SMOC2: variants seen among roughly 807,000 people sequenced by gnomAD.
SMOC2 encodes the protein SPARC related modular calcium binding 2.
Under a neutral mutation model 61.4 loss-of-function variants are expected in SMOC2, and 39 were observed. That is an observed-to-expected ratio of 0.64 (90% CI 0.49 to 0.83). SMOC2 has a LOEUF of 0.83. Among genes scored for constraint, SMOC2 ranks in the 40% least tolerant of loss-of-function variants. The probability of loss-of-function intolerance (pLI) is 0.00; values close to 1 mark genes in which losing one functional copy is unlikely to be tolerated. For synonymous variants in SMOC2, 247 were observed against 239.9 expected, an observed-to-expected ratio of 1.03 and a Z score of -0.27; for missense variants, 556 against 592.9, an observed-to-expected ratio of 0.94 and a Z score of 0.65.
chr6:168,509,497 A>G (rs1207202274), intron 1 of SMOC2, among the ~76,000 whole-genome samples: 1 of 152,196 alleles, frequency 6.6e-6, no homozygotes, highest in African/African-American at 2.4e-5. Context: ...GACATTCCTG[A>G]TACTCGTCAC....
At chr6:168,536,600 T>C (rs1783738856) in intron 4 of SMOC2, among the ~76,000 whole-genome samples, 2 of 151,924 alleles carry the variant, frequency 1.3e-5, no homozygotes, top group Non-Finnish European at 2.9e-5. Flanking sequence ...CTCAGGAAAA[T>C]AGAAAATAGG....
intron 7 of SMOC2, among the ~76,000 whole-genome samples, chr6:168,589,196 G>C (rs1023701284): frequency 1.3e-5 from 2 of 151,878 alleles, no homozygotes; most frequent in African/African-American, 4.8e-5. Flanking sequence ...TAATAGTTAA[G>C]ACCCCTTAGG....
intron 2 of SMOC2, among the ~76,000 whole-genome samples, chr6:168,521,615 G>A (rs770059007): frequency 2.0e-5 from 3 of 152,196 alleles, no homozygotes; most frequent in African/African-American, 4.8e-5. Context: ...AGGGCTAGGC[G>A]TGGGGGCTCA....
intron 9 of SMOC2, among the ~76,000 whole-genome samples, chr6:168,635,740 G>A (rs1228532646): frequency 2.0e-5 from 3 of 151,804 alleles, no homozygotes; most frequent in Non-Finnish European, 2.9e-5. Context: ...GCGTGGTGGC[G>A]GGTGCCTGTA....
chr6:168,665,183 C>G (rs1033362862), intron 12 of SMOC2: 1 of 185,530 alleles, frequency 5.4e-6, no homozygotes, highest in Non-Finnish European at 1.1e-5. Flanking sequence ...AATCACTGTA[C>G]TCATGCGCTC....
At chr6:168,441,514 G>T (rs1430466451) in intron 1 of SMOC2, 60 bp downstream of exon 1, 3 of 1,434,710 alleles carry the variant, frequency 2.1e-6, no homozygotes, top group African/African-American at 3.0e-5. Flanking sequence ...AGCCGGCCGG[G>T]TTCGGGTCCC....
chr6:168,651,630 T>C (rs1284331404), intron 10 of SMOC2, among the ~76,000 whole-genome samples: 3 of 152,202 alleles, frequency 2.0e-5, no homozygotes, highest in Non-Finnish European at 4.4e-5. Flanking sequence ...CTTTAGGTGA[T>C]TTTTTTGGTC....
chr6:168,465,482 A>G (rs926286919), intron 1 of SMOC2, among the ~76,000 whole-genome samples: 2 of 151,982 alleles, frequency 1.3e-5, no homozygotes, highest in Non-Finnish European at 2.9e-5. Context: ...AAAAAAAAAG[A>G]AAAAAGAAAG....
intron 9 of SMOC2, among the ~76,000 whole-genome samples, chr6:168,649,244 A>C (rs1016831788): frequency 1.3e-5 from 2 of 152,232 alleles, no homozygotes; most frequent in Non-Finnish European, 1.5e-5. Flanking sequence ...GGGGCCGTCT[A>C]AAACTTTTCT....
chr6:168,570,122 C>T (rs1385764660), intron 7 of SMOC2, among the ~76,000 whole-genome samples: 1 of 149,604 alleles, frequency 6.7e-6, no homozygotes, highest in Non-Finnish European at 1.5e-5. Flanking sequence ...CTTTGGGAAC[C>T]ATCAGCTGCC....
At chr6:168,624,573 C>A (rs536406141) in intron 9 of SMOC2, among the ~76,000 whole-genome samples, 48 of 127,954 alleles carry the variant, frequency 3.8e-4, no homozygotes, top group Admixed American at 1.8e-3. Context: ...CATACAGAAA[C>A]ACACACACAG....
chr6:168,476,216 G>A (rs530403933), intron 1 of SMOC2, among the ~76,000 whole-genome samples: 20 of 152,180 alleles, frequency 1.3e-4, no homozygotes, highest in East Asian at 1.2e-3. Context: ...CAGATATGGC[G>A]GAAATAACTA....
At chr6:168,472,903 C>T (rs1781994587) in intron 1 of SMOC2, among the ~76,000 whole-genome samples, 1 of 152,116 alleles carries the variant, frequency 6.6e-6, no homozygotes, top group South Asian at 2.1e-4. Flanking sequence ...TCCTCCCACA[C>T]TGTTTGGTGC....
chr6:168,499,301 A>T (rs1487201857), intron 1 of SMOC2, among the ~76,000 whole-genome samples: 4 of 152,194 alleles, frequency 2.6e-5, no homozygotes, highest in Admixed American at 2.6e-4. Context: ...TGGGAACCGC[A>T]GTCCAACGTG....
intron 4 of SMOC2, among the ~76,000 whole-genome samples, chr6:168,536,524 A>T (rs1400177472): frequency 2.6e-5 from 4 of 152,058 alleles, no homozygotes; most frequent in Non-Finnish European, 5.9e-5. Context: ...CCTCCCTGGG[A>T]TGAGGCAGGA....
At chr6:168,636,878 GCCTCCCT>G (rs1341656752) in intron 9 of SMOC2, among the ~76,000 whole-genome samples, 1 of 49,136 alleles carries the variant, frequency 2.0e-5, no homozygotes, top group Non-Finnish European at 3.9e-5. Flanking sequence ...CCCTCCTCCC[GCCTCCCT>G]CCTCCCACCT....
chr6:168,577,954 G>A (rs768342697), intron 7 of SMOC2, among the ~76,000 whole-genome samples: 17 of 152,194 alleles, frequency 1.1e-4, no homozygotes, highest in Non-Finnish European at 1.6e-4. Context: ...AAGTAGTTGC[G>A]TTTGACTCTG....
intron 9 of SMOC2, among the ~76,000 whole-genome samples, chr6:168,636,903 GCCCGCATCCCTCCTCCCTCCTCCCC>G (rs1562397041): frequency 0.012 from 580 of 50,132 alleles, 4 homozygotes; most frequent in South Asian, 0.018. Flanking sequence ...CCTCCCTCCT[GCCCGCATCCCTCCTCCCTCCTCCCC>G]CCTCCCCACC....
chr6:168,451,588 T>A (rs1781463835), intron 1 of SMOC2, among the ~76,000 whole-genome samples: 2 of 116,198 alleles, frequency 1.7e-5, no homozygotes, highest in African/African-American at 7.8e-5. Context: ...TCTCTGTCTC[T>A]CTCTGTCTCT....
Sources: allele counts gnomAD v4.1 joint callset (sites outside exome capture counted in the v4.1 genomes callset), GRCh38; gene constraint gnomAD v4.1.1; transcripts MANE v1.5; gene names NCBI Gene and HGNC (gene_info 2026-07-23, HGNC 2026-07-21).